The following GABRG2 variants were observed in gnomAD, a reference collection of about 807,000 sequenced individuals.
GABRG2 encodes gamma-aminobutyric acid receptor subunit gamma-2.
Under a neutral mutation model 56.4 loss-of-function variants are expected in GABRG2, and 16 were observed. The observed-to-expected ratio is 0.28, with a 90% CI of 0.19 to 0.43. The LOEUF (loss-of-function observed/expected upper bound fraction) is 0.43. GABRG2 is among the 20% of genes least tolerant of loss of function. The pLI is 1.00. For synonymous variants in GABRG2, 208 were observed against 205.5 expected, an observed-to-expected ratio of 1.01 and a Z score of -0.10; for missense variants, 327 against 582.7, an observed-to-expected ratio of 0.56 and a Z score of 4.52.
At chr5:162,123,712 T>C (rs1763128622) in intron 6 of GABRG2, among the ~76,000 whole-genome samples, 1 of 151,858 alleles carries the variant, frequency 6.6e-6, no homozygotes, top group Non-Finnish European at 1.5e-5. Flanking sequence ...GTAGTAGCTA[T>C]GAGGACTTGT....
At chr5:162,095,198 G>A (rs1340590427) in intron 2 of GABRG2, among the ~76,000 whole-genome samples, 1 of 152,162 alleles carries the variant, frequency 6.6e-6, no homozygotes, top group East Asian at 1.9e-4. Flanking sequence ...CTGAGAGAAA[G>A]ATGGAGAAAA....
In GABRG2 at chr5:162,153,642, T is replaced by C. The variant is rs1265517282; in HGVS notation, c.*274T>C. 4 of 530,330 alleles carry C rather than the reference T, an allele frequency of 7.5e-6. No individual in the cohort carries two copies. Among genetic ancestry groups the C allele is most frequent in the Non-Finnish European group, 1.4e-5 (4 of 294,120 alleles). 32.9% of individuals were successfully genotyped at this position (530,330 alleles called of 1,614,324 possible). ...CAAACCAAATAAGATATTTTTCAGC[T>C]ACAGCAAATAAAACAGTGAAAGCCC... On this transcript the variant is annotated 3_prime_UTR_variant, in exon 10 of 10. Coordinates refer to ENST00000639213, the MANE Select transcript of GABRG2 (RefSeq NM_198904.4).
intron 6 of GABRG2, among the ~76,000 whole-genome samples, chr5:162,129,770 C>G (rs1474260404): frequency 1.3e-5 from 2 of 152,004 alleles, no homozygotes; most frequent in East Asian, 3.9e-4. Context: ...AATTTTAGAG[C>G]TTCCACTGTT....
intron 6 of GABRG2, among the ~76,000 whole-genome samples, chr5:162,137,475 A>G (rs989694): frequency 0.53 from 80,872 of 151,954 alleles, 22,477 homozygotes; most frequent in African/African-American, 0.7. Flanking sequence ...TTTGACTTTG[A>G]ATTTCACTGA....
At chr5:162,105,432 C>CTTTTTTTTTTTTTTTTTTTT (rs533258756) in intron 6 of GABRG2, among the ~76,000 whole-genome samples, 1 of 104,114 alleles carries the variant, frequency 9.6e-6, no homozygotes, top group Non-Finnish European at 1.8e-5. Flanking sequence ...GTAGAACAAT[C>CTTTTTTTTTTTTTTTTTTTT]TTTTTTTTTT....
chr5:162,111,026 A>G (rs1203683056), intron 6 of GABRG2, among the ~76,000 whole-genome samples: 2 of 152,058 alleles, frequency 1.3e-5, no homozygotes, highest in Non-Finnish European at 2.9e-5. Context: ...ATGCTTCTCT[A>G]AAGTCCTCGT....
At chr5:162,121,679 TC>T (rs1762988926) in intron 6 of GABRG2, among the ~76,000 whole-genome samples, 1 of 152,092 alleles carries the variant, frequency 6.6e-6, no homozygotes. Context: ...TATGTTTATC[TC>T]CTTAGCAACT....
chr5:162,103,411 C>T (rs211031), intron 5 of GABRG2: 129,503 of 158,110 alleles, frequency 0.82, 53,172 homozygotes, highest in Admixed American at 0.86. Flanking sequence ...ATTTAGGTTA[C>T]GTTTTCCAAC....
intron 6 of GABRG2, among the ~76,000 whole-genome samples, chr5:162,130,943 C>T (rs1312982662): frequency 1.3e-5 from 2 of 151,838 alleles, no homozygotes; most frequent in Non-Finnish European, 2.9e-5. Flanking sequence ...TGCCTTGATT[C>T]AAGAGAGCTT....
intron 6 of GABRG2, among the ~76,000 whole-genome samples, chr5:162,114,733 A>G (rs1227893748): frequency 6.6e-6 from 1 of 152,186 alleles, no homozygotes; most frequent in East Asian, 1.9e-4. Context: ...AACTGGGCTT[A>G]TGTATCATAA....
intron 1 of GABRG2, among the ~76,000 whole-genome samples, chr5:162,086,092 A>G (rs1346691645): frequency 6.6e-6 from 1 of 151,904 alleles, no homozygotes; most frequent in Non-Finnish European, 1.5e-5. Context: ...TTTTAAATAC[A>G]TGTCATTTGA....
intron 4 of GABRG2, 82 bp downstream of exon 4, chr5:162,097,940 A>G (rs1761120498): frequency 9.6e-6 from 10 of 1,037,064 alleles, no homozygotes; most frequent in Middle Eastern, 2.2e-4. Context: ...CTCTAAAAGA[A>G]AAAAAAAAAA....
At chr5:162,134,391 A>G (rs1428535453) in intron 6 of GABRG2, among the ~76,000 whole-genome samples, 1 of 152,172 alleles carries the variant, frequency 6.6e-6, no homozygotes, top group Non-Finnish European at 1.5e-5. Flanking sequence ...CATATTTCAT[A>G]GATTACTCTG....
chr5:162,094,193 T>TTC (rs946838325), intron 2 of GABRG2: 1 of 560,982 alleles, frequency 1.8e-6, no homozygotes, highest in African/African-American at 1.9e-5. Context: ...AAGTGAAGCT[T>TTC]GAGAGCTAGA....
chr5:162,091,104 A>T (rs1760541926), intron 1 of GABRG2, among the ~76,000 whole-genome samples: 1 of 152,046 alleles, frequency 6.6e-6, no homozygotes. Context: ...GAGAAGAAAA[A>T]GTTCATTTAT....
At chr5:162,146,945 T>G (rs1007811364) in intron 7 of GABRG2, among the ~76,000 whole-genome samples, 1 of 152,236 alleles carries the variant, frequency 6.6e-6, no homozygotes, top group African/African-American at 2.4e-5. Flanking sequence ...CTTGGAAATG[T>G]AGCTGAACTC....
intron 6 of GABRG2, chr5:162,128,221 T>A (rs1485207280): frequency 6.6e-6 from 1 of 151,958 alleles, no homozygotes; most frequent in Non-Finnish European, 1.5e-5. Flanking sequence ...TCTGCTTAAG[T>A]TTTCCCCAGT....
chr5:162,097,008 G>T (rs762255409), intron 3 of GABRG2, among the ~76,000 whole-genome samples: 4 of 152,000 alleles, frequency 2.6e-5, no homozygotes, highest in Admixed American at 6.6e-5. Flanking sequence ...TTTGTTGATT[G>T]CCCTTTTCTA....
intron 6 of GABRG2, among the ~76,000 whole-genome samples, chr5:162,111,488 CAT>C (rs893111470): frequency 3.8e-4 from 58 of 152,226 alleles, no homozygotes; most frequent in African/African-American, 1.3e-3. Context: ...CAAGGTGACA[CAT>C]GTCATTTCTG....
Sources: allele counts gnomAD v4.1 joint callset (sites outside exome capture counted in the v4.1 genomes callset), GRCh38; gene constraint gnomAD v4.1.1; transcripts MANE v1.5; gene names NCBI Gene and HGNC (gene_info 2026-07-23, HGNC 2026-07-21).